ENOX1: variants seen among roughly 807,000 people sequenced by gnomAD.
The protein encoded by ENOX1 is candidate growth-related and time keeping constitutive hydroquinone (NADH) oxidase.
In ENOX1, 42 loss-of-function variants were observed where a neutral mutation model predicts 82.5. That is an observed-to-expected ratio of 0.51 (90% confidence interval 0.40 to 0.66). The LOEUF is 0.66. Ranked by LOEUF, ENOX1 falls within the 30% of genes least tolerant of loss-of-function variation. ENOX1 has a pLI of 0.00. For synonymous variants in ENOX1, 271 were observed against 282.2 expected, an observed-to-expected ratio of 0.96 and a Z score of 0.40; for missense variants, 608 against 811.6, an observed-to-expected ratio of 0.75 and a Z score of 3.05.
chr13:43,587,728 T>G (rs1019386396), intron 2 of ENOX1, among the ~76,000 whole-genome samples: 1 of 152,244 alleles, frequency 6.6e-6, no homozygotes, highest in Non-Finnish European at 1.5e-5. Flanking sequence ...TCAGAGCTTC[T>G]GAAAATTCTC....
intron 12 of ENOX1, among the ~76,000 whole-genome samples, chr13:43,274,178 T>C (rs1389975227): frequency 6.6e-6 from 1 of 152,212 alleles, no homozygotes; most frequent in Non-Finnish European, 1.5e-5. Context: ...GTTCCAGATA[T>C]CCTTTTTAAT....
chr13:43,342,913 T>G (rs1476566957), intron 9 of ENOX1, among the ~76,000 whole-genome samples: 1 of 152,202 alleles, frequency 6.6e-6, no homozygotes, highest in Non-Finnish European at 1.5e-5. Context: ...CAGGGGCATT[T>G]TAATAGGTGC....
intron 10 of ENOX1, among the ~76,000 whole-genome samples, chr13:43,324,771 C>G (rs1480449181): frequency 6.6e-6 from 1 of 152,096 alleles, no homozygotes; most frequent in East Asian, 1.9e-4. Context: ...TGCATGGAAG[C>G]CTTCACACGT....
At chr13:43,450,546 C>G (rs897310840) in intron 3 of ENOX1, among the ~76,000 whole-genome samples, 1 of 151,970 alleles carries the variant, frequency 6.6e-6, no homozygotes, top group Admixed American at 6.6e-5. Context: ...TGGGGAAGGG[C>G]CTTTATTATG....
intron 2 of ENOX1, among the ~76,000 whole-genome samples, chr13:43,643,277 TA>T (rs920852829): frequency 1.1e-4 from 16 of 152,218 alleles, no homozygotes; most frequent in African/African-American, 3.6e-4. Context: ...GTGAATGAAC[TA>T]AGAAGACAGA....
chr13:43,489,866 C>A (rs2076560285), intron 2 of ENOX1, among the ~76,000 whole-genome samples: 1 of 152,190 alleles, frequency 6.6e-6, no homozygotes, highest in Admixed American at 6.5e-5. Context: ...TACTTGGGAC[C>A]TGTTACCCCT....
At chr13:43,529,224 C>T (rs2078109725) in intron 2 of ENOX1, among the ~76,000 whole-genome samples, 1 of 151,946 alleles carries the variant, frequency 6.6e-6, no homozygotes, top group South Asian at 2.1e-4. Context: ...TGTGAATCCT[C>T]CTTTCGTCCA....
At chr13:43,490,553 T>C (rs2076584697) in intron 2 of ENOX1, among the ~76,000 whole-genome samples, 1 of 152,152 alleles carries the variant, frequency 6.6e-6, no homozygotes. Flanking sequence ...AAATTGGGCT[T>C]TTAAGAGGTG....
intron 2 of ENOX1, among the ~76,000 whole-genome samples, chr13:43,560,363 A>T (rs1237071240): frequency 6.6e-6 from 1 of 152,154 alleles, no homozygotes; most frequent in African/African-American, 2.4e-5. Flanking sequence ...CTTCTCCAAA[A>T]ATTATTATTC....
At position 43,407,500 on chromosome 13, in the gene ENOX1, C is replaced by T. The variant is rs536281364; in HGVS notation, c.208+4416G>A. 7.1e-4 allele frequency among the ~76,000 whole-genome samples: 108 copies of T among 152,230 alleles called. 1 individual carries two copies. The highest frequency in any genetic ancestry group is 2.0e-3 in the Admixed American group (31 of 15,298). ...GGTTTGTTACATAGGTATACATGTGCGATGGTGGTTTGCTGTACCTATCAA... is the reference window on the plus strand; with the variant it reads ...GGTTTGTTACATAGGTATACATGTGTGATGGTGGTTTGCTGTACCTATCAA... On this transcript the variant is annotated intron_variant, in intron 5 of 16. Coordinates refer to ENST00000690772, the MANE Select transcript of ENOX1 (RefSeq NM_001347969.2).
intron 2 of ENOX1, among the ~76,000 whole-genome samples, chr13:43,535,950 A>G (rs2078441969): frequency 6.6e-6 from 1 of 152,208 alleles, no homozygotes; most frequent in East Asian, 1.9e-4. Flanking sequence ...GGCCTGTAGC[A>G]TAAATAAATA....
chr13:43,547,864 G>A (rs2079035737), intron 2 of ENOX1: 1 of 152,170 alleles, frequency 6.6e-6, no homozygotes, highest in African/African-American at 2.4e-5. Context: ...ACCCCAAAAG[G>A]GAGACAGCTC....
chr13:43,660,751 CA>C (rs1179778126), intron 2 of ENOX1, among the ~76,000 whole-genome samples: 7 of 152,256 alleles, frequency 4.6e-5, no homozygotes, highest in African/African-American at 1.7e-4. Flanking sequence ...CTCACTGGAG[CA>C]AAAAGGACCT....
rs1301545969 is a variant in ENOX1 at position 43,361,470 on chromosome 13, T to C, written c.209-18A>G. 3 of 1,587,476 alleles carry C rather than the reference T, an allele frequency of 1.9e-6. No individual in the cohort carries two copies. The highest frequency in any genetic ancestry group is 2.6e-6 in the Non-Finnish European group (3 of 1,172,982). On this transcript the variant is annotated intron_variant, in intron 5 of 16. Coordinates refer to ENST00000690772, the MANE Select transcript of ENOX1 (RefSeq NM_001347969.2). Reference sequence around the variant, plus strand: ...GATTGAGTCTGTAAAGTATACAAGATAACATTTTGACTGGAGATTAAATCC... The same window carrying C: ...GATTGAGTCTGTAAAGTATACAAGACAACATTTTGACTGGAGATTAAATCC...
At chr13:43,769,615 C>G (rs906497914) in intron 1 of ENOX1, among the ~76,000 whole-genome samples, 2 of 152,196 alleles carry the variant, frequency 1.3e-5, no homozygotes, top group Admixed American at 6.5e-5. Flanking sequence ...CAGCAAGATA[C>G]AGGTGGCCAC....
rs150869363 is a variant in ENOX1, at chr13:43,772,312, A to G, written c.-285+14340T>C. Among the ~76,000 whole-genome samples, 125 of 152,266 alleles carry G rather than the reference A, an allele frequency of 8.2e-4. 1 individual carries two copies. Among genetic ancestry groups the G allele is most frequent in the African/African-American group, 2.7e-3 (112 of 41,540 alleles). ...AAACACCAAGTATCAAATTGTCTAT[A>G]CTACATGTTGGCTTTGGGATCAAGT... On this transcript the variant is annotated intron_variant, in intron 1 of 16. Transcript: ENST00000690772.
chr13:43,415,455 G>C (rs970345888), intron 3 of ENOX1, among the ~76,000 whole-genome samples: 5 of 151,838 alleles, frequency 3.3e-5, no homozygotes, highest in African/African-American at 9.7e-5. Context: ...GACTCTTAAC[G>C]AACATGCTGC....
chr13:43,528,067 C>T (rs902690385), intron 2 of ENOX1, among the ~76,000 whole-genome samples: 1 of 152,024 alleles, frequency 6.6e-6, no homozygotes, highest in African/African-American at 2.4e-5. Context: ...TTTTCATTCA[C>T]TTGTATGTAG....
chr13:43,265,946 G>T (rs1461993608), intron 13 of ENOX1, among the ~76,000 whole-genome samples: 1 of 152,206 alleles, frequency 6.6e-6, no homozygotes, highest in Non-Finnish European at 1.5e-5. Context: ...ATCTCTGGAG[G>T]ACTAAAGACG....
Sources: gnomAD v4.1 joint callset for allele counts (sites outside exome capture counted in the v4.1 genomes callset) on GRCh38, gnomAD v4.1.1 for gene constraint, MANE v1.5 for transcripts, NCBI Gene and HGNC (gene_info 2026-07-23, HGNC 2026-07-21) for gene names.